The following GRAMD4 variants were observed in gnomAD, a reference collection of about 807,000 sequenced individuals.
GRAMD4 encodes the protein GRAM domain-containing protein 4.
In GRAMD4, 25 loss-of-function variants were observed where a neutral mutation model predicts 83.9. That is an observed-to-expected ratio of 0.30 (90% CI 0.22 to 0.42). GRAMD4 has a LOEUF of 0.42. GRAMD4 is among the 10% of genes least tolerant of loss of function. The pLI is 1.00. For synonymous variants in GRAMD4, 336 were observed against 320.9 expected (o/e 1.05, Z -0.50); for missense variants, 593 against 788.7 (o/e 0.75, Z 2.97).
In GRAMD4 at chr22:46,679,641, T is replaced by C. The variant is rs1183939466; in HGVS notation, c.*2390T>C. 2.0e-6 allele frequency: 2 copies of C among 983,630 alleles called. No individual in the cohort carries two copies. The highest frequency in any genetic ancestry group is 3.5e-5 in the African/African-American group (2 of 57,232). 60.9% of individuals were successfully genotyped at this position (983,630 alleles called of 1,614,324 possible). On this transcript the variant is annotated 3_prime_UTR_variant, in exon 19 of 19. Transcript: ENST00000406902. ...ATAATCATTGCCAGTGTGACTTTTG[T>C]TCAACAAAAGGATTGTACTGTATTA...
At chr22:46,624,148 G>C (rs1365800365) in intron 1 of GRAMD4, among the ~76,000 whole-genome samples, 1 of 151,196 alleles carries the variant, frequency 6.6e-6, no homozygotes, top group Non-Finnish European at 1.5e-5. Flanking sequence ...TGTATTCCTT[G>C]TTTTATAGCG....
At position 46,675,507 on chromosome 22, in the gene GRAMD4, G is replaced by A. The variant is rs184410177; in HGVS notation, c.1518G>A (p.Lys506=). The A allele has an allele frequency of 9.3e-6, 15 of 1,613,550 alleles. No individual in the cohort carries two copies. The East Asian group carries it at 3.1e-4, about 34-fold the overall frequency. ...AAAGCTCCAAATCTGGGTCCTCAAA[G>A]AGGAACAAAGTCATCAAGCTAGTGG... ...CFESSKSGSS[K]RNKVIKLVDI... The change falls in exon 17 of 19, where the codon AAG becomes AAA. Residue 506 remains lysine, a synonymous_variant. Transcript: ENST00000406902.
chr22:46,589,966 G>T (rs2081190595), intron 1 of GRAMD4, among the ~76,000 whole-genome samples: 1 of 152,202 alleles, frequency 6.6e-6, no homozygotes, highest in Non-Finnish European at 1.5e-5. Context: ...CTGCTGCCTG[G>T]TTCCTGCGGC....
intron 1 of GRAMD4, among the ~76,000 whole-genome samples, chr22:46,586,552 G>T (rs1189306610): frequency 6.6e-6 from 1 of 152,118 alleles, no homozygotes; most frequent in Non-Finnish European, 1.5e-5. Context: ...TTGGGGAAAC[G>T]TGGGGGTCAT....
In GRAMD4 at chr22:46,587,855, GCCA is replaced by G. The variant is rs536098355; in HGVS notation, c.-50+10566_-50+10568del. On this transcript the variant is annotated intron_variant, in intron 1 of 1. Transcript: ENST00000431155. ...GAGAGGAAGTGAAACAGGCGTGTGC[GCCA>G]GAAGCCCGGGCGTCGGGGTGGGGCC... 5.3e-4 allele frequency: 515 copies of G among 964,522 alleles called. 2 individuals carry two copies. The African/African-American group carries it at 8.2e-3, about 15-fold the overall frequency. The allele number at this position is 964,522 out of a possible 1,614,324, so 59.7% of individuals were successfully genotyped here. A position where few individuals can be genotyped will look rare whatever the true frequency, so the allele number is the denominator to read the frequency against.
At chr22:46,680,635 CA>C (rs1569313574), downstream of GRAMD4, among the ~76,000 whole-genome samples, 17 of 141,640 alleles carry the variant, frequency 1.2e-4, no homozygotes, top group African/African-American at 3.5e-4. Context: ...TTCATCCCTC[CA>C]TCCATTCATC....
chr22:46,680,586 C>CCATCCATCCATCCACCCACCCACCCATT (rs2082658508), downstream of GRAMD4, among the ~76,000 whole-genome samples: 4 of 23,166 alleles, frequency 1.7e-4, no homozygotes, highest in South Asian at 1.3e-3. Flanking sequence ...ATCCATCCAT[C>CCATCCATCCATCCACCCACCCACCCATT]CATCCATCCA....
At chr22:46,676,725 T>C (rs1267298859) in intron 18 of GRAMD4, 57 bp downstream of exon 18, 2 of 1,457,486 alleles carry the variant, frequency 1.4e-6, no homozygotes, top group East Asian at 4.9e-5. Context: ...GGCCTGACTC[T>C]GAGCAACCCT....
At chr22:46,625,017 C>T (rs547770449) in intron 1 of GRAMD4, among the ~76,000 whole-genome samples, 69 of 152,238 alleles carry the variant, frequency 4.5e-4, no homozygotes, top group African/African-American at 1.2e-3. Context: ...CCCACCACCA[C>T]GCCCGGCTAA....
intron 1 of GRAMD4, among the ~76,000 whole-genome samples, chr22:46,592,425 CAT>C (rs1189245219): frequency 1.3e-5 from 2 of 148,212 alleles, no homozygotes; most frequent in Admixed American, 1.3e-4. Context: ...GCCTGGGAAA[CAT>C]AGGGAGGAGG....
chr22:46,614,227 G>A (rs1239991056), intron 1 of GRAMD4, among the ~76,000 whole-genome samples: 2 of 152,224 alleles, frequency 1.3e-5, no homozygotes, highest in Non-Finnish European at 2.9e-5. Context: ...TGGCAGAAAC[G>A]CTGTGCAATG....
intron 3 of GRAMD4, among the ~76,000 whole-genome samples, chr22:46,646,072 G>A (rs2082068297): frequency 6.6e-6 from 1 of 152,168 alleles, no homozygotes; most frequent in Admixed American, 6.5e-5. Flanking sequence ...CTGTGTAGGG[G>A]AGCCCTCGTG....
upstream of GRAMD4, among the ~76,000 whole-genome samples, chr22:46,617,387 C>CA (rs1295917503): frequency 6.9e-6 from 1 of 145,042 alleles, no homozygotes; most frequent in Non-Finnish European, 1.5e-5. Context: ...CCTGTGTGTG[C>CA]AGCTTCCCCT....
chr22:46,660,154 C>T (rs558782135), intron 4 of GRAMD4, among the ~76,000 whole-genome samples: 2 of 152,188 alleles, frequency 1.3e-5, no homozygotes, highest in East Asian at 1.9e-4. Context: ...GTGCCCAGCC[C>T]GGGTCAGCTG....
intron 1 of GRAMD4, among the ~76,000 whole-genome samples, chr22:46,610,644 G>C (rs954809042): frequency 2.6e-5 from 4 of 152,228 alleles, no homozygotes; most frequent in Non-Finnish European, 4.4e-5. Context: ...ACAGCTTTCA[G>C]CTTGTGGGAA....
chr22:46,617,046 G>A (rs868626832), upstream of GRAMD4, among the ~76,000 whole-genome samples: 33 of 135,932 alleles, frequency 2.4e-4, no homozygotes, highest in African/African-American at 9.1e-4. Flanking sequence ...CCCTGTGCGT[G>A]TGGGTTCCCC....
intron 1 of GRAMD4, among the ~76,000 whole-genome samples, chr22:46,600,328 G>A (rs1174735115): frequency 6.6e-6 from 1 of 152,202 alleles, no homozygotes; most frequent in East Asian, 1.9e-4. Flanking sequence ...GCAGAGGGGG[G>A]CTTTGCCAGC....
intron 8 of GRAMD4, among the ~76,000 whole-genome samples, chr22:46,664,718 C>G (rs1011184173): frequency 6.6e-6 from 1 of 152,262 alleles, no homozygotes; most frequent in South Asian, 2.1e-4. Flanking sequence ...GACTGTGCCT[C>G]CAGCACGAGG....
chr22:46,581,225 A>G (rs2081095380), intron 1 of GRAMD4, among the ~76,000 whole-genome samples: 1 of 152,236 alleles, frequency 6.6e-6, no homozygotes, highest in Non-Finnish European at 1.5e-5. Flanking sequence ...CAGGAAAGGC[A>G]GGAAGTACCG....
Sources: gnomAD v4.1 joint callset for allele counts (sites outside exome capture counted in the v4.1 genomes callset) on GRCh38, gnomAD v4.1.1 for gene constraint, MANE v1.5 for transcripts, NCBI Gene and HGNC (gene_info 2026-07-23, HGNC 2026-07-21) for gene names.